UFD1: variants seen among roughly 807,000 people sequenced by gnomAD.
UFD1 encodes ubiquitin recognition factor in ER-associated degradation protein 1.
In UFD1, 13 loss-of-function variants were observed where a neutral mutation model predicts 45.9. The ratio of observed to expected loss-of-function variants is 0.28; its 90% CI spans 0.18 to 0.45. UFD1 has a LOEUF of 0.45. Among genes scored for constraint, UFD1 ranks in the 20% least tolerant of loss-of-function variants. The pLI, the probability that UFD1 is intolerant of heterozygous loss-of-function variation, is 1.00. For synonymous variants in UFD1, 128 were observed against 139.2 expected (o/e 0.92, Z 0.56); for missense variants, 218 against 389.2 (o/e 0.56, Z 3.70).
intron 4 of UFD1, among the ~76,000 whole-genome samples, chr22:19,469,438 A>T (rs1233770244): frequency 2.6e-5 from 4 of 152,098 alleles, no homozygotes; most frequent in African/African-American, 9.7e-5. Flanking sequence ...TGAGGTGAGA[A>T]ATGGGCTGCT....
chr22:19,475,381 C>T, intron 2 of UFD1, 89 bp downstream of exon 2: 1 of 1,550,602 alleles, frequency 6.4e-7, no homozygotes, highest in Non-Finnish European at 8.8e-7. Flanking sequence ...GCTTCTGACT[C>T]CCACATGCAA....
intron 1 of UFD1, among the ~76,000 whole-genome samples, chr22:19,475,933 T>G (rs1056611265): frequency 6.6e-6 from 1 of 152,294 alleles, no homozygotes; most frequent in East Asian, 1.9e-4. Flanking sequence ...AAACAATATT[T>G]GTTAATTGAA....
At chr22:19,451,001 A>T in intron 11 of UFD1, 1 of 1,109,988 alleles carries the variant, frequency 9.0e-7, no homozygotes, top group Non-Finnish European at 1.1e-6. Context: ...GTATGTGCCT[A>T]TGATCCCAGC....
rs2073730 is a variant in UFD1 at position 19,450,423 on chromosome 22, G to T, written c.*247C>A. 3 of 473,846 alleles carry T rather than the reference G, an allele frequency of 6.3e-6. No individual in the cohort carries two copies. The highest frequency in any genetic ancestry group is 1.1e-5 in the Non-Finnish European group (3 of 262,556). The allele number at this position is 473,846 out of a possible 1,614,324, so 29.4% of individuals were successfully genotyped here. On this transcript the variant is annotated 3_prime_UTR_variant, in exon 12 of 12. Transcript: ENST00000263202. ...TCCCCTCAAGCTGAAAGCGTGAAGA[G>T]GTGAGGAGGCAGCTATCTACAGGCC...
chr22:19,473,436 G>A (rs2089859867), intron 3 of UFD1, among the ~76,000 whole-genome samples: 1 of 152,236 alleles, frequency 6.6e-6, no homozygotes. Flanking sequence ...ACTGATCTGA[G>A]CTACACCTCA....
chr22:19,455,837 T>C, intron 9 of UFD1, 69 bp from the exon 10 acceptor site: 1 of 1,457,996 alleles, frequency 6.9e-7, no homozygotes, highest in Non-Finnish European at 9.6e-7. Flanking sequence ...TGCTTGGAGA[T>C]CACTGCAGGG....
intron 11 of UFD1, chr22:19,452,949 C>T (rs914261820): frequency 1.2e-6 from 1 of 806,930 alleles, no homozygotes; most frequent in African/African-American, 1.9e-5. Flanking sequence ...TTCAAATCTG[C>T]AAAATTGTGC....
intron 10 of UFD1, 29 bp from the exon 11 acceptor site, chr22:19,454,859 G>A (rs572830693): frequency 6.3e-7 from 1 of 1,599,484 alleles, no homozygotes; most frequent in African/African-American, 1.3e-5. Flanking sequence ...ACAGAGAAAT[G>A]TTATTTCCAG....
At chr22:19,478,696 C>T (rs531476319) in intron 1 of UFD1, 35 of 273,798 alleles carry the variant, frequency 1.3e-4, no homozygotes, top group African/African-American at 8.2e-4. Flanking sequence ...GCGGGGGATG[C>T]CCACTACGGA....
intron 11 of UFD1, chr22:19,453,577 C>A: frequency 1.0e-6 from 1 of 985,506 alleles, no homozygotes; most frequent in Non-Finnish European, 1.2e-6. Context: ...CAGCCTGTAG[C>A]TGGTGAAGCC....
chr22:19,450,439 T>C lies in UFD1; in HGVS notation c.*231A>G, dbSNP rs2089671811. On this transcript the variant is annotated 3_prime_UTR_variant, in exon 12 of 12. Transcript: ENST00000263202. ...GCGTGAAGAGGTGAGGAGGCAGCTA[T>C]CTACAGGCCCTCAGGGACAGCTCTT... 2 of 527,708 alleles carry C rather than the reference T, an allele frequency of 3.8e-6. No individual in the cohort carries two copies. The highest frequency in any genetic ancestry group is 6.7e-6 in the Non-Finnish European group (2 of 299,370). The allele number at this position is 527,708 out of a possible 1,614,324, so 32.7% of individuals were successfully genotyped here. A position where few individuals can be genotyped will look rare whatever the true frequency, so the allele number is the denominator to read the frequency against.
At chr22:19,457,766 G>A (rs527902096) in intron 7 of UFD1, among the ~76,000 whole-genome samples, 19 of 151,950 alleles carry the variant, frequency 1.3e-4, no homozygotes, top group South Asian at 4.2e-4. Context: ...AGCCAAGATC[G>A]CACCACTGCA....
intron 3 of UFD1, 56 bp downstream of exon 3, chr22:19,475,012 T>C: frequency 6.5e-7 from 1 of 1,537,110 alleles, no homozygotes; most frequent in Non-Finnish European, 8.9e-7. Flanking sequence ...CCATGCTGAC[T>C]CTTGGTGTCC....
chr22:19,470,781 A>T, intron 4 of UFD1: 1 of 467,782 alleles, frequency 2.1e-6, no homozygotes, highest in Non-Finnish European at 4.3e-6. Flanking sequence ...AATATTAGTT[A>T]AGGCCATCCC....
chr22:19,476,755 C>A (rs948313328), intron 1 of UFD1, among the ~76,000 whole-genome samples: 4 of 151,702 alleles, frequency 2.6e-5, no homozygotes, highest in African/African-American at 7.3e-5. Context: ...GCCTATAATC[C>A]CAGCACTTTG....
intron 6 of UFD1, among the ~76,000 whole-genome samples, chr22:19,463,327 G>A (rs2089780143): frequency 6.6e-6 from 1 of 152,046 alleles, no homozygotes; most frequent in Admixed American, 6.5e-5. Flanking sequence ...TTTTATAGCT[G>A]TTGTTTAACA....
chr22:19,466,524 A>C (rs1003431515), intron 5 of UFD1: 1 of 152,238 alleles, frequency 6.6e-6, no homozygotes, highest in Non-Finnish European at 1.5e-5. Flanking sequence ...AGCATCTGAG[A>C]TCAACCTGAT....
chr22:19,457,262 G>A (rs1439010096), intron 7 of UFD1, among the ~76,000 whole-genome samples: 1 of 152,106 alleles, frequency 6.6e-6, no homozygotes, highest in Non-Finnish European at 1.5e-5. Flanking sequence ...CCACCACTAG[G>A]ACTGCCCATG....
At chr22:19,463,216 C>T (rs1202893268) in intron 6 of UFD1, among the ~76,000 whole-genome samples, 1 of 152,220 alleles carries the variant, frequency 6.6e-6, no homozygotes, top group East Asian at 1.9e-4. Flanking sequence ...GCATGTTTGA[C>T]TTTCTCAGTG....
Sources: gnomAD v4.1 joint callset for allele counts (sites outside exome capture counted in the v4.1 genomes callset) on GRCh38, gnomAD v4.1.1 for gene constraint, MANE v1.5 for transcripts, NCBI Gene and HGNC (gene_info 2026-07-23, HGNC 2026-07-21) for gene names.